EIF3H: variants seen among roughly 807,000 people sequenced by gnomAD.
The protein encoded by EIF3H is eukaryotic translation initiation factor 3 subunit H, also known as eIF-3-gamma.
EIF3H carries 26 observed loss-of-function variants against 44.2 expected under a neutral mutation model. The observed-to-expected ratio is 0.59, with a 90% CI of 0.43 to 0.82. The LOEUF (loss-of-function observed/expected upper bound fraction) is 0.82, where lower values mean the gene tolerates loss of function less well. Ranked by LOEUF, EIF3H falls within the 40% of genes least tolerant of loss-of-function variation. The pLI is 0.00. For synonymous variants in EIF3H, 166 were observed against 151.9 expected, an observed-to-expected ratio of 1.09 and a Z score of -0.68; for missense variants, 359 against 432.8, an observed-to-expected ratio of 0.83 and a Z score of 1.51.
intron 2 of EIF3H, among the ~76,000 whole-genome samples, chr8:116,712,992 T>C (rs1184303416): frequency 6.6e-6 from 1 of 152,198 alleles, no homozygotes; most frequent in African/African-American, 2.4e-5. Flanking sequence ...TTTGGTTACA[T>C]ACTGTAATTG....
At chr8:116,660,143 G>A (rs573783417) in intron 2 of EIF3H, among the ~76,000 whole-genome samples, 3 of 152,112 alleles carry the variant, frequency 2.0e-5, no homozygotes, top group Non-Finnish European at 2.9e-5. Context: ...CACCCACCTC[G>A]GCCTCCCAAA....
At chr8:116,646,693 C>T (rs1813307714) in intron 6 of EIF3H, 90 bp from the exon 7 acceptor site, 3 of 1,512,212 alleles carry the variant, frequency 2.0e-6, no homozygotes, top group African/African-American at 1.4e-5. Flanking sequence ...AGCAGAACCC[C>T]ACTGCTCTGA....
rs141809098 is a variant in EIF3H at position 116,753,647 on chromosome 8, A to C, written c.132+2019T>G. 4.6e-3 allele frequency among the ~76,000 whole-genome samples: 702 copies of C among 152,332 alleles called. 3 individuals are homozygous for C. The highest frequency in any genetic ancestry group is 0.016 in the African/African-American group (665 of 41,570). ...AAATTGAGAACCAGTCTCTTGACTAAGCACCCTTGTGAAACCTGAAGTGAT... is the reference window on the plus strand; with the variant it reads ...AAATTGAGAACCAGTCTCTTGACTACGCACCCTTGTGAAACCTGAAGTGAT... On this transcript the variant is annotated intron_variant, in intron 1 of 7. Coordinates refer to ENST00000521861, the MANE Select transcript of EIF3H (RefSeq NM_003756.3).
chr8:116,697,490 A>G (rs1023366302), intron 2 of EIF3H, among the ~76,000 whole-genome samples: 2 of 152,142 alleles, frequency 1.3e-5, no homozygotes, highest in Non-Finnish European at 2.9e-5. Flanking sequence ...CAGCTTTTGA[A>G]TTACACTGAA....
intron 2 of EIF3H, among the ~76,000 whole-genome samples, chr8:116,671,780 TTTAAA>T (rs1813760457): frequency 6.6e-6 from 1 of 152,204 alleles, no homozygotes; most frequent in Admixed American, 6.5e-5. Flanking sequence ...TCTCCACACC[TTTAAA>T]TTAAACAAAC....
chr8:116,759,169 G>A (rs1019997945), upstream of EIF3H, among the ~76,000 whole-genome samples: 1 of 152,014 alleles, frequency 6.6e-6, no homozygotes, highest in Admixed American at 6.5e-5. Context: ...TCTTGTATTC[G>A]CAACAAGATG....
exon 1 of EIF3H, chr8:116,766,056 G>A (rs1424874963): frequency 4.6e-5 from 7 of 152,210 alleles, no homozygotes; most frequent in African/African-American, 1.7e-4. Flanking sequence ...ATTTCTTTAT[G>A]GGAAAGCAGC....
At chr8:116,649,253 AAT>A (rs1362640759) in intron 5 of EIF3H, among the ~76,000 whole-genome samples, 1 of 152,196 alleles carries the variant, frequency 6.6e-6, no homozygotes, top group East Asian at 1.9e-4. Flanking sequence ...AGTATTCCCA[AAT>A]TCTTTTCATT....
At chr8:116,757,518 T>C (rs1815469867), upstream of EIF3H, among the ~76,000 whole-genome samples, 5 of 152,274 alleles carry the variant, frequency 3.3e-5, no homozygotes, top group South Asian at 1.0e-3. Context: ...CTTTCCCCTA[T>C]TTTTGTTCTC....
chr8:116,721,853 T>C (rs1227057247), intron 2 of EIF3H, among the ~76,000 whole-genome samples: 1 of 152,242 alleles, frequency 6.6e-6, no homozygotes, highest in Non-Finnish European at 1.5e-5. Context: ...ACCCCCATCA[T>C]ATCTAGGAAG....
upstream of EIF3H, among the ~76,000 whole-genome samples, chr8:116,760,230 T>C (rs888800742): frequency 6.6e-6 from 1 of 152,220 alleles, no homozygotes; most frequent in Non-Finnish European, 1.5e-5. Context: ...ACAGTAGCAA[T>C]TGAAACAATA....
upstream of EIF3H, among the ~76,000 whole-genome samples, chr8:116,758,929 C>T (rs947198916): frequency 2.0e-5 from 3 of 152,132 alleles, no homozygotes; most frequent in Non-Finnish European, 4.4e-5. Flanking sequence ...GGAAATGTGT[C>T]AAATCCATCA....
At chr8:116,681,282 G>C (rs942918892) in intron 2 of EIF3H, among the ~76,000 whole-genome samples, 4 of 152,136 alleles carry the variant, frequency 2.6e-5, no homozygotes, top group Admixed American at 6.6e-5. Flanking sequence ...AGAATCACTT[G>C]AACTGGGAGG....
chr8:116,724,056 A>G (rs1814794711), intron 2 of EIF3H, among the ~76,000 whole-genome samples: 1 of 152,230 alleles, frequency 6.6e-6, no homozygotes, highest in Non-Finnish European at 1.5e-5. Context: ...AAAACCTATT[A>G]CAAAGCTGGA....
chr8:116,760,022 T>C (rs1815502862), upstream of EIF3H, among the ~76,000 whole-genome samples: 1 of 152,196 alleles, frequency 6.6e-6, no homozygotes, highest in Non-Finnish European at 1.5e-5. Context: ...CGAGCCACCA[T>C]GCTCAGCCTG....
At chr8:116,716,760 G>A (rs996039821) in intron 2 of EIF3H, among the ~76,000 whole-genome samples, 4 of 152,048 alleles carry the variant, frequency 2.6e-5, no homozygotes, top group East Asian at 1.9e-4. Context: ...GGGCATCACC[G>A]TGTCCCTACA....
chr8:116,726,229 T>C, intron 1 of EIF3H, 57 bp from the exon 2 acceptor site: 1 of 1,517,116 alleles, frequency 6.6e-7, no homozygotes, highest in Non-Finnish European at 8.8e-7. Context: ...ATTATTTCCT[T>C]TATTTCTAAG....
chr8:116,739,142 G>A (rs190906304), intron 1 of EIF3H, among the ~76,000 whole-genome samples: 1 of 152,278 alleles, frequency 6.6e-6, no homozygotes, highest in Non-Finnish European at 1.5e-5. Flanking sequence ...CCGCTTAAAG[G>A]TGTTCTCAAA....
intron 1 of EIF3H, chr8:116,737,314 T>C: frequency 2.3e-6 from 1 of 434,606 alleles, no homozygotes; most frequent in South Asian, 1.7e-5. Context: ...AAAGACTTTG[T>C]CATTCTTCAA....
Sources: gnomAD v4.1 joint callset for allele counts (sites outside exome capture counted in the v4.1 genomes callset) on GRCh38, gnomAD v4.1.1 for gene constraint, MANE v1.5 for transcripts, NCBI Gene and HGNC (gene_info 2026-07-23, HGNC 2026-07-21) for gene names.